The following ASTN1 variants were observed in gnomAD, a reference collection of about 807,000 sequenced individuals.
ASTN1 encodes the protein astrotactin-1.
A neutral mutation model predicts 140.7 loss-of-function variants in ASTN1; 41 were observed. The ratio of observed to expected loss-of-function variants is 0.29; its 90% CI spans 0.23 to 0.38. The LOEUF is 0.38. Ranked by LOEUF, ASTN1 falls within the 10% of genes least tolerant of loss-of-function variation. The pLI is 1.00. For synonymous variants in ASTN1, 640 were observed against 652.2 expected (o/e 0.98, Z 0.29); for missense variants, 1,479 against 1,678.8 (o/e 0.88, Z 2.08).
At chr1:176,886,007 T>C (rs544470531) in intron 18 of ASTN1, among the ~76,000 whole-genome samples, 2 of 152,162 alleles carry the variant, frequency 1.3e-5, no homozygotes, top group South Asian at 4.1e-4. Flanking sequence ...ACAAATTCAT[T>C]AATTAGAGTC....
chr1:176,936,313 C>CG lies in ASTN1; in HGVS notation c.2434dup (p.Arg812ProfsTer54). The CG allele has an allele frequency of 6.2e-7, 1 of 1,613,894 alleles. No individual in the cohort carries two copies. The highest frequency in any genetic ancestry group is 8.5e-7 in the Non-Finnish European group (1 of 1,179,970). Reference sequence around the variant, plus strand: ...GAGTTTGATGTGGTACATCACAGACCGGACCTTCCAGTGCTGCAGCACAGG... The same window carrying CG: ...GAGTTTGATGTGGTACATCACAGACCGGGACCTTCCAGTGCTGCAGCACAGG... On this transcript the variant is annotated frameshift_variant, in exon 15 of 23. Transcript: ENST00000361833. LOFTEE classifies it high-confidence loss of function.
chr1:177,081,746 C>T (rs1679190830), intron 1 of ASTN1, among the ~76,000 whole-genome samples: 1 of 152,072 alleles, frequency 6.6e-6, no homozygotes, highest in Non-Finnish European at 1.5e-5. Flanking sequence ...ATCATGTTCC[C>T]TGTTTAAGAG....
chr1:176,891,314 A>T (rs931542695), intron 17 of ASTN1, among the ~76,000 whole-genome samples: 3 of 152,368 alleles, frequency 2.0e-5, no homozygotes, highest in Admixed American at 1.3e-4. Context: ...ACTTCAAGCT[A>T]AATTCATCTA....
intron 1 of ASTN1, among the ~76,000 whole-genome samples, chr1:177,101,322 G>A (rs752361536): frequency 3.3e-5 from 5 of 152,120 alleles, no homozygotes; most frequent in Non-Finnish European, 4.4e-5. Flanking sequence ...ATCAACAGTA[G>A]GATGGATAAA....
At position 176,904,177 on chromosome 1, in the gene ASTN1, C is replaced by T. The variant is rs1055040759; in HGVS notation, c.2672-9347G>A. Among the ~76,000 whole-genome samples the T allele has an allele frequency of 2.6e-5, 4 of 152,142 alleles. No individual in the cohort carries two copies. The South Asian group carries it at 8.3e-4, about 32-fold the overall frequency. ...ATAGCCTTTAACATTGTGGCACTGG[C>T]GGGAGAGCCCTTCCCTGACCCACAG... On this transcript the variant is annotated intron_variant, in intron 16 of 22. Transcript: ENST00000361833.
At chr1:176,924,656 C>T (rs1670879284) in intron 16 of ASTN1, among the ~76,000 whole-genome samples, 1 of 152,162 alleles carries the variant, frequency 6.6e-6, no homozygotes, top group Non-Finnish European at 1.5e-5. Flanking sequence ...AATAAATGAA[C>T]AGCCCATCCC....
chr1:177,129,486 C>T (rs971262535), intron 1 of ASTN1, among the ~76,000 whole-genome samples: 1 of 152,156 alleles, frequency 6.6e-6, no homozygotes, highest in Non-Finnish European at 1.5e-5. Flanking sequence ...CTCAAATCTT[C>T]TTCAGCCTGA....
At chr1:177,043,340 G>T (rs1677064239) in intron 2 of ASTN1, among the ~76,000 whole-genome samples, 1 of 152,106 alleles carries the variant, frequency 6.6e-6, no homozygotes, top group South Asian at 2.1e-4. Context: ...GGGAAACTAG[G>T]AACTTCATTA....
At chr1:176,902,228 T>C (rs1044173524) in intron 16 of ASTN1, among the ~76,000 whole-genome samples, 2 of 152,222 alleles carry the variant, frequency 1.3e-5, no homozygotes, top group Non-Finnish European at 2.9e-5. Flanking sequence ...CCAATCCCTG[T>C]TGACGTTTTT....
intron 5 of ASTN1, among the ~76,000 whole-genome samples, chr1:177,028,314 A>G (rs1171132924): frequency 1.3e-5 from 2 of 152,296 alleles, no homozygotes; most frequent in East Asian, 3.9e-4. Context: ...GTATCAAGGG[A>G]GATTGGGAGA....
intron 2 of ASTN1, among the ~76,000 whole-genome samples, chr1:177,040,331 T>C (rs1676915654): frequency 6.6e-6 from 1 of 152,240 alleles, no homozygotes; most frequent in South Asian, 2.1e-4. Context: ...CTGGGGCTCC[T>C]GGTATGAATT....
intron 16 of ASTN1, among the ~76,000 whole-genome samples, chr1:176,925,893 C>T (rs2103080024): frequency 6.6e-6 from 1 of 151,242 alleles, no homozygotes; most frequent in East Asian, 2.0e-4. Context: ...GTAAGCTCTG[C>T]CTCCCGGGTT....
At chr1:176,935,337 A>G (rs1671396168) in intron 15 of ASTN1, among the ~76,000 whole-genome samples, 1 of 152,228 alleles carries the variant, frequency 6.6e-6, no homozygotes, top group Non-Finnish European at 1.5e-5. Flanking sequence ...CTGGGTGCAC[A>G]TTGACTATGT....
chr1:177,043,513 T>C (rs1220772364), intron 2 of ASTN1, among the ~76,000 whole-genome samples: 3 of 152,244 alleles, frequency 2.0e-5, no homozygotes, highest in African/African-American at 7.2e-5. Context: ...AAAACTTGTA[T>C]ACATTGCTTT....
chr1:177,111,785 A>C (rs1426537333), intron 1 of ASTN1, among the ~76,000 whole-genome samples: 1 of 152,184 alleles, frequency 6.6e-6, no homozygotes, highest in East Asian at 1.9e-4. Flanking sequence ...AGGACTCTAC[A>C]GCAGGAGAAA....
At chr1:177,003,552 T>C (rs1674842242) in intron 8 of ASTN1, among the ~76,000 whole-genome samples, 1 of 152,180 alleles carries the variant, frequency 6.6e-6, no homozygotes, top group Non-Finnish European at 1.5e-5. Flanking sequence ...GGCTCACGCC[T>C]ATAATCCCAG....
intron 2 of ASTN1, among the ~76,000 whole-genome samples, chr1:177,053,393 T>C (rs1677633864): frequency 6.6e-6 from 1 of 152,116 alleles, no homozygotes; most frequent in Non-Finnish European, 1.5e-5. Context: ...GAAAAACAGA[T>C]TTGCAAAGAA....
intron 18 of ASTN1, among the ~76,000 whole-genome samples, chr1:176,887,484 T>C (rs6671596): frequency 0.057 from 8,704 of 152,254 alleles, 843 homozygotes; most frequent in African/African-American, 0.2. Flanking sequence ...CCAGATCATC[T>C]CTCAATTTTA....
chr1:176,860,726 A>G (rs1018871683), downstream of ASTN1, among the ~76,000 whole-genome samples: 3 of 152,102 alleles, frequency 2.0e-5, no homozygotes, highest in African/African-American at 7.2e-5. Flanking sequence ...TCAATGCCTA[A>G]TTTTCCCCAT....
Sources: gnomAD v4.1 joint callset for allele counts (sites outside exome capture counted in the v4.1 genomes callset) on GRCh38, gnomAD v4.1.1 for gene constraint, MANE v1.5 for transcripts, NCBI Gene and HGNC (gene_info 2026-07-23, HGNC 2026-07-21) for gene names.